The following TPO variants were observed in gnomAD, a reference collection of about 807,000 sequenced individuals.
TPO encodes thyroid microsomal antigen.
TPO carries 78 observed loss-of-function variants against 96.9 expected under a neutral mutation model. The ratio of observed to expected loss-of-function variants is 0.81; its 90% confidence interval spans 0.67 to 0.97. The LOEUF is 0.97. Among genes scored for constraint, TPO ranks in the 50% least tolerant of loss-of-function variants. TPO has a pLI of 0.00. For synonymous variants in TPO, 547 were observed against 538.0 expected, an observed-to-expected ratio of 1.02 and a Z score of -0.23; for missense variants, 1,252 against 1,274.8, an observed-to-expected ratio of 0.98 and a Z score of 0.27.
intron 10 of TPO, among the ~76,000 whole-genome samples, chr2:1,491,930 A>T (rs1671803787): frequency 6.6e-6 from 1 of 152,196 alleles, no homozygotes; most frequent in South Asian, 2.1e-4. Flanking sequence ...CCCACTGTGG[A>T]CAGCAGGAGT....
At chr2:1,478,210 T>C (rs576701902) in intron 8 of TPO, 12 of 985,330 alleles carry the variant, frequency 1.2e-5, no homozygotes, top group Non-Finnish European at 1.4e-5. Flanking sequence ...GAGAGTCAAG[T>C]TGGCCTTTTA....
intron 3 of TPO, among the ~76,000 whole-genome samples, chr2:1,426,842 G>T (rs9326170): frequency 1.3e-5 from 2 of 151,878 alleles, no homozygotes; most frequent in African/African-American, 4.8e-5. Flanking sequence ...CTTTAGAGCC[G>T]AAAAGGAAAA....
intron 15 of TPO, among the ~76,000 whole-genome samples, chr2:1,519,100 G>A (rs1674988911): frequency 1.3e-5 from 2 of 152,218 alleles, no homozygotes; most frequent in African/African-American, 4.8e-5. Flanking sequence ...GCAGCCACAG[G>A]AACTGGGAGG....
chr2:1,502,703 T>C (rs1468777563), intron 13 of TPO, among the ~76,000 whole-genome samples: 3 of 152,218 alleles, frequency 2.0e-5, no homozygotes, highest in Admixed American at 1.3e-4. Context: ...TATACTCTTA[T>C]AGAATGGTTG....
intron 7 of TPO, among the ~76,000 whole-genome samples, chr2:1,475,160 C>T (rs1424558442): frequency 1.3e-5 from 2 of 152,140 alleles, no homozygotes; most frequent in African/African-American, 2.4e-5. Context: ...GAATTTGCAG[C>T]TCCTTGTTAT....
At chr2:1,476,079 G>C (rs1016604001) in intron 7 of TPO, among the ~76,000 whole-genome samples, 2 of 152,250 alleles carry the variant, frequency 1.3e-5, no homozygotes, top group African/African-American at 4.8e-5. Flanking sequence ...ATGCAGCCCA[G>C]GTCTTCCGTT....
chr2:1,452,390 T>C lies in TPO; in HGVS notation c.483-1304T>C, dbSNP rs116049167. 5.9e-3 allele frequency among the ~76,000 whole-genome samples: 894 copies of C among 152,358 alleles called. 15 individuals are homozygous for C. Among genetic ancestry groups the C allele is most frequent in the African/African-American group, 0.02 (829 of 41,580 alleles). ...CCCTGGTTACCCGAGATCCTTCCTA[T>C]TTATGCCTTCTGTCCCAGGAAATTA... On this transcript the variant is annotated intron_variant, in intron 5 of 16. Transcript: ENST00000329066.
At chr2:1,389,634 G>A (rs1661965443) in intron 1 of TPO, among the ~76,000 whole-genome samples, 1 of 152,196 alleles carries the variant, frequency 6.6e-6, no homozygotes, top group South Asian at 2.1e-4. Context: ...TTCCTCCCAA[G>A]CCATGGCATG....
chr2:1,402,803 C>G (rs1323929875), intron 1 of TPO, among the ~76,000 whole-genome samples: 2 of 152,140 alleles, frequency 1.3e-5, no homozygotes, highest in African/African-American at 2.4e-5. Context: ...ATTATGGGAG[C>G]TACAATTCAA....
intron 1 of TPO, among the ~76,000 whole-genome samples, chr2:1,383,107 C>T (rs1366127689): frequency 2.0e-5 from 3 of 152,044 alleles, no homozygotes; most frequent in African/African-American, 7.2e-5. Flanking sequence ...TGTCATATTT[C>T]CTTAATCCAG....
At chr2:1,475,018 G>A (rs1312469329) in intron 7 of TPO, among the ~76,000 whole-genome samples, 4 of 152,192 alleles carry the variant, frequency 2.6e-5, no homozygotes, top group Non-Finnish European at 4.4e-5. Flanking sequence ...GCAATTTAAA[G>A]AGCACAGATT....
At chr2:1,540,281 G>C (rs116362238) in intron 15 of TPO, among the ~76,000 whole-genome samples, 2,199 of 152,262 alleles carry the variant, frequency 0.014, 50 homozygotes, top group African/African-American at 0.051. Context: ...GGCAGTGACT[G>C]GGGGGAAATC....
chr2:1,434,786 C>G (rs1349379435), intron 4 of TPO, among the ~76,000 whole-genome samples: 2 of 152,194 alleles, frequency 1.3e-5, no homozygotes, highest in Non-Finnish European at 2.9e-5. Context: ...TATAGCCCAT[C>G]TTGAAAATTT....
intron 7 of TPO, among the ~76,000 whole-genome samples, chr2:1,466,863 T>G (rs899852830): frequency 6.6e-6 from 1 of 152,162 alleles, no homozygotes; most frequent in Non-Finnish European, 1.5e-5. Context: ...GTATTTTTTT[T>G]GTTGTTGTTT....
At chr2:1,507,893 T>C (rs1177754753) in intron 14 of TPO, among the ~76,000 whole-genome samples, 2 of 152,040 alleles carry the variant, frequency 1.3e-5, no homozygotes, top group Non-Finnish European at 2.9e-5. Flanking sequence ...TCCTGCCTGA[T>C]TGCCCTGGCC....
chr2:1,455,051 G>A (rs1193388227), intron 6 of TPO, among the ~76,000 whole-genome samples: 1 of 152,140 alleles, frequency 6.6e-6, no homozygotes, highest in East Asian at 1.9e-4. Context: ...TTCTGGAGGT[G>A]CCTGCATCCC....
intron 7 of TPO, among the ~76,000 whole-genome samples, chr2:1,457,912 G>A (rs967616528): frequency 2.6e-5 from 4 of 151,726 alleles, no homozygotes; most frequent in East Asian, 1.9e-4. Context: ...ATAAGATAGT[G>A]TGTGGGCACG....
chr2:1,539,007 T>C (rs1196283285), intron 15 of TPO, among the ~76,000 whole-genome samples: 3 of 152,120 alleles, frequency 2.0e-5, no homozygotes, highest in Admixed American at 6.5e-5. Context: ...CCTATTCCTA[T>C]AAGGGCACCA....
chr2:1,508,458 T>A (rs1344786340), intron 14 of TPO, among the ~76,000 whole-genome samples: 1 of 152,214 alleles, frequency 6.6e-6, no homozygotes, highest in Admixed American at 6.5e-5. Flanking sequence ...TCAGAAGGAA[T>A]GGTACCAGCT....
Sources: allele counts gnomAD v4.1 joint callset (sites outside exome capture counted in the v4.1 genomes callset), GRCh38; gene constraint gnomAD v4.1.1; transcripts MANE v1.5; gene names NCBI Gene and HGNC (gene_info 2026-07-23, HGNC 2026-07-21).